DCK: variants seen among roughly 807,000 people sequenced by gnomAD.
DCK encodes deoxycytidine kinase.
In DCK, 23 loss-of-function variants were observed where a neutral mutation model predicts 38.3. The ratio of observed to expected loss-of-function variants is 0.60; its 90% CI spans 0.43 to 0.85. DCK has a LOEUF of 0.85. Among genes scored for constraint, DCK ranks in the 40% least tolerant of loss-of-function variants. The pLI is 0.00. For synonymous variants in DCK, 108 were observed against 100.6 expected, an observed-to-expected ratio of 1.07 and a Z score of -0.44; for missense variants, 259 against 304.4, an observed-to-expected ratio of 0.85 and a Z score of 1.11.
At chr4:71,023,445 A>G (rs1256806186) in intron 3 of DCK, 114 bp from the exon 4 acceptor site, 2 of 692,098 alleles carry the variant, frequency 2.9e-6, no homozygotes, top group Non-Finnish European at 4.7e-6. Flanking sequence ...TCTGCTTTCC[A>G]CGGCACTATG....
chr4:71,004,314 T>C (rs1451583093), intron 2 of DCK, among the ~76,000 whole-genome samples: 1 of 152,202 alleles, frequency 6.6e-6, no homozygotes, highest in Non-Finnish European at 1.5e-5. Flanking sequence ...GATTGCTGCC[T>C]GCTCCTTCCT....
intron 2 of DCK, among the ~76,000 whole-genome samples, chr4:71,006,091 A>C (rs1378960973): frequency 7.5e-6 from 1 of 133,524 alleles, no homozygotes; most frequent in Non-Finnish European, 1.5e-5. Flanking sequence ...GCGCCATTGC[A>C]CTCCATCTCA....
intron 1 of DCK, 173 bp downstream of exon 1, chr4:70,994,099 C>G (rs1371220409): frequency 1.3e-5 from 8 of 630,582 alleles, no homozygotes; most frequent in South Asian, 1.8e-5. Flanking sequence ...CCTTACCTCC[C>G]GCTCCACGGG....
Position 71,029,340 on chromosome 4 carries a change from TCC to T in DCK, c.757-11_757-10del. 1 of 1,574,558 alleles carries T rather than the reference TCC, an allele frequency of 6.4e-7. No individual in the cohort carries two copies. The highest frequency in any genetic ancestry group is 8.6e-7 in the Non-Finnish European group (1 of 1,159,894). Reference sequence around the variant, plus strand: ...AGGAATTATACTGATTTTTTTTTCTTCCTTTCCTCAGGTCAAAGAGTTTTTGA... The same window carrying T: ...AGGAATTATACTGATTTTTTTTTCTTTTTCCTCAGGTCAAAGAGTTTTTGA... On this transcript the variant is annotated splice_polypyrimidine_tract_variant and intron_variant, in intron 6 of 6. Coordinates refer to ENST00000286648, the MANE Select transcript of DCK (RefSeq NM_000788.3).
chr4:71,012,602 G>C (rs180759866), intron 2 of DCK, among the ~76,000 whole-genome samples: 1 of 152,344 alleles, frequency 6.6e-6, no homozygotes, highest in East Asian at 1.9e-4. Context: ...AACAATTGCT[G>C]TTCAGCAGTA....
intron 2 of DCK, among the ~76,000 whole-genome samples, chr4:71,009,596 AT>A (rs1377197500): frequency 1.3e-5 from 2 of 152,188 alleles, no homozygotes; most frequent in Non-Finnish European, 2.9e-5. Context: ...TGATCCTATT[AT>A]TATTAACATA....
intron 5 of DCK, 64 bp downstream of exon 5, chr4:71,025,995 C>G (rs1740539326): frequency 1.4e-6 from 2 of 1,445,144 alleles, no homozygotes; most frequent in Admixed American, 2.5e-5. Flanking sequence ...AAATTTTAAT[C>G]TAAAATTTGG....
chr4:71,025,197 A>G (rs1397512079), intron 4 of DCK, among the ~76,000 whole-genome samples: 2 of 152,038 alleles, frequency 1.3e-5, no homozygotes, highest in Non-Finnish European at 1.5e-5. Context: ...GCACTGTCCA[A>G]TGTGGCTATT....
chr4:71,011,804 C>T (rs1038566458), intron 2 of DCK, among the ~76,000 whole-genome samples: 5 of 152,150 alleles, frequency 3.3e-5, no homozygotes, highest in Non-Finnish European at 7.4e-5. Context: ...TTCTATTTTT[C>T]ACTTACCTTG....
At chr4:71,022,812 A>G (rs1288903578) in intron 3 of DCK, among the ~76,000 whole-genome samples, 1 of 152,098 alleles carries the variant, frequency 6.6e-6, no homozygotes, top group African/African-American at 2.4e-5. Flanking sequence ...AAATTTGCAG[A>G]GAAGTTGTTT....
At chr4:71,026,144 G>T (rs1740542708) in intron 5 of DCK, among the ~76,000 whole-genome samples, 1 of 152,014 alleles carries the variant, frequency 6.6e-6, no homozygotes, top group Non-Finnish European at 1.5e-5. Context: ...TCCCTTGGTG[G>T]TATTGATAGC....
chr4:71,018,713 C>T (rs1321717198), intron 2 of DCK, among the ~76,000 whole-genome samples: 2 of 149,112 alleles, frequency 1.3e-5, no homozygotes, highest in East Asian at 3.9e-4. Flanking sequence ...GCTCTGTTAC[C>T]CAGGCTGGAG....
intron 1 of DCK, 73 bp downstream of exon 1, chr4:70,993,999 A>G (rs989856357): frequency 6.5e-6 from 7 of 1,084,730 alleles, no homozygotes; most frequent in South Asian, 5.2e-5. Flanking sequence ...CCTTCGCCGC[A>G]TCTCTCTGCA....
At chr4:71,005,610 G>T (rs1433432502) in intron 2 of DCK, among the ~76,000 whole-genome samples, 1 of 150,536 alleles carries the variant, frequency 6.6e-6, no homozygotes, top group Non-Finnish European at 1.5e-5. Flanking sequence ...GGGTTCAAGC[G>T]ATTCTCCTGC....
In DCK at chr4:71,014,483, A is replaced by G. The variant is rs953437891; in HGVS notation, c.208-7884A>G. ...GAATATACATTCTTCTCAGCACCAC[A>G]TCGCACTTATTCCAAAATTGACCAC... On this transcript the variant is annotated intron_variant, in intron 2 of 6. Coordinates refer to ENST00000286648, the MANE Select transcript of DCK (RefSeq NM_000788.3). 5.9e-5 allele frequency among the ~76,000 whole-genome samples: 9 copies of G among 152,342 alleles called. No individual in the cohort carries two copies. The South Asian group carries it at 1.7e-3, about 28-fold the overall frequency.
Position 70,998,177 on chromosome 4 carries a change from T to A in DCK, c.202T>A (p.Phe68Ile). 6.5e-7 allele frequency: 1 copy of A among 1,532,130 alleles called. No individual in the cohort carries two copies. Among genetic ancestry groups the A allele is most frequent in the East Asian group, 2.3e-5 (1 of 43,822 alleles). 94.9% of individuals were successfully genotyped at this position (1,532,130 alleles called of 1,614,324 possible). The change falls in exon 2 of 7, where the codon TTT (phenylalanine) becomes ATT (isoleucine). Residue 68 changes from phenylalanine (F) to isoleucine (I), a missense_variant. By Grantham distance (21) the Phe-to-Ile change is conservative (BLOSUM62 0). Around this residue, in one of 3 missense-constraint regions of DCK, gnomAD observed 159 missense variants for 159.0 expected, o/e 1.00. Coordinates refer to ENST00000286648, the MANE Select transcript of DCK (RefSeq NM_000788.3). The part of the protein sequence containing the change: ...WCNVQSTQDE[F>I]EELTMSQKNG... ...CAATGTTCAAAGTACTCAAGATGAA[T>A]TTGAGGTATGAAAATAAAATTTAAG...
chr4:70,996,891 A>G (rs1034402070), intron 1 of DCK, among the ~76,000 whole-genome samples: 1 of 152,190 alleles, frequency 6.6e-6, no homozygotes, highest in Admixed American at 6.5e-5. Context: ...ATGACTTTTT[A>G]AAGTATTAAC....
intron 2 of DCK, among the ~76,000 whole-genome samples, chr4:71,017,687 C>A (rs1259742467): frequency 2.7e-5 from 4 of 147,988 alleles, no homozygotes; most frequent in African/African-American, 5.0e-5. Flanking sequence ...GGAAAAAAAA[C>A]AAAACACTGC....
intron 2 of DCK, among the ~76,000 whole-genome samples, chr4:71,019,496 T>C (rs1740354241): frequency 1.3e-5 from 2 of 152,302 alleles, no homozygotes; most frequent in African/African-American, 4.8e-5. Context: ...TCCAGAACTT[T>C]AGCCTCCTGA....
Sources: gnomAD v4.1 joint callset for allele counts (sites outside exome capture counted in the v4.1 genomes callset) on GRCh38, gnomAD v4.1.1 for gene constraint, gnomAD v4.1.1 regional missense constraint, MANE v1.5 for transcripts, NCBI Gene and HGNC (gene_info 2026-07-23, HGNC 2026-07-21) for gene names.